Variants in NBPF8 observed in about 807,000 individuals in gnomAD.
NBPF8 encodes the protein NBPF member 8.
At chr1:120,421,325 CATCTT>C (rs1660569280) in intron 1 of NBPF8, among the ~76,000 whole-genome samples, 1 of 152,158 alleles carries the variant, frequency 6.6e-6, no homozygotes, top group Non-Finnish European at 1.5e-5. Flanking sequence ...TGGATGTTCT[CATCTT>C]CATGTAAGTT....
At chr1:120,427,965 T>C (rs1459058905) in intron 3 of NBPF8, among the ~76,000 whole-genome samples, 118 bp downstream of exon 3, 2 of 152,248 alleles carry the variant, frequency 1.3e-5, no homozygotes, top group Non-Finnish European at 2.9e-5. Flanking sequence ...GAGTTTTCTT[T>C]GTATCACTTT....
intron 3 of NBPF8, among the ~76,000 whole-genome samples, 46 bp downstream of exon 3, chr1:120,427,893 G>A (rs1417074808): frequency 1.4e-4 from 21 of 150,914 alleles, no homozygotes; most frequent in Non-Finnish European, 2.8e-4. Context: ...GCTACCAGTA[G>A]TTTTTCCAGG....
At chr1:120,425,530 C>T (rs1350928401) in intron 1 of NBPF8, among the ~76,000 whole-genome samples, 1 of 152,172 alleles carries the variant, frequency 6.6e-6, no homozygotes, top group Non-Finnish European at 1.5e-5. Flanking sequence ...TCTGGAAATG[C>T]CCGATAATGA....
At chr1:120,430,801 C>T (rs1363394129) in intron 3 of NBPF8, among the ~76,000 whole-genome samples, 73 of 145,920 alleles carry the variant, frequency 5.0e-4, no homozygotes, top group Non-Finnish European at 9.3e-4. Context: ...TTATGTAAGG[C>T]CAGTACACCA....
At position 120,466,102 on chromosome 1, in the gene NBPF8, T is replaced by C. The variant is rs1480634856; in HGVS notation, n.3693T>C. ...CTCATTCCAGCACTACAGAAGTGTG[T>C]TTTACTCATTTGAGGAACAGCACAT... is the stretch of plus-strand genomic sequence containing the variant. On this transcript the variant is annotated non_coding_transcript_exon_variant, in exon 25 of 25. Coordinates refer to ENST00000583271, the Ensembl canonical transcript of NBPF8. 1.9e-6 allele frequency: 3 copies of C among 1,611,532 alleles called. No homozygotes were observed. In the East Asian group the frequency reaches 6.7e-5, roughly 36 times the overall value.
chr1:120,431,417 CACAT>C (rs1372127109), upstream of NBPF8, among the ~76,000 whole-genome samples: 2 of 84,438 alleles, frequency 2.4e-5, no homozygotes, highest in South Asian at 3.0e-4. Flanking sequence ...CACACACACA[CACAT>C]ATATATATAT....
At chr1:120,415,153 C>A (rs1287837075), upstream of NBPF8, among the ~76,000 whole-genome samples, 1 of 152,074 alleles carries the variant, frequency 6.6e-6, no homozygotes, top group Non-Finnish European at 1.5e-5. Flanking sequence ...TGAGTGAACG[C>A]GGTGCTTTTG....
chr1:120,452,831 G>A lies in NBPF8; in HGVS notation n.2289+500G>A, dbSNP rs1302167704. Among the ~76,000 whole-genome samples the A allele has an allele frequency of 4.0e-4, 61 of 152,292 alleles. No individual in the cohort carries two copies. In the South Asian group the frequency reaches 5.0e-3, roughly 12 times the overall value. On this transcript the variant is annotated intron_variant and non_coding_transcript_variant, in intron 13 of 24. Coordinates refer to ENST00000583271, the Ensembl canonical transcript of NBPF8. ...CCAAAATGAGATGAAGGCCCTCGCC[G>A]TGTGATGTTGGAGAAGGCACTTTAT... is the stretch of plus-strand genomic sequence containing the variant.
chr1:120,416,605 CAAAAAAAAAA>C (rs1160932917), upstream of NBPF8, among the ~76,000 whole-genome samples: 14 of 24,234 alleles, frequency 5.8e-4, no homozygotes, highest in East Asian at 2.1e-3. Flanking sequence ...ACCCTGTCTC[CAAAAAAAAAA>C]AAAAAAAAAA....
upstream of NBPF8, among the ~76,000 whole-genome samples, chr1:120,416,786 G>T (rs200880932): frequency 8.4e-3 from 1,273 of 151,850 alleles, 51 homozygotes; most frequent in Admixed American, 0.066. Flanking sequence ...TTCCCAAAGT[G>T]GTTGTACCAT....
chr1:120,436,584 A>C (rs2101619997), exon 1 of NBPF8: 1 of 1,598,656 alleles, frequency 6.3e-7, no homozygotes, highest in Non-Finnish European at 8.6e-7. Context: ...CTAGAAATCA[A>C]CGAGAAATTG....
At chr1:120,469,084 G>A (rs1439907608), downstream of NBPF8, among the ~76,000 whole-genome samples, 7 of 142,570 alleles carry the variant, frequency 4.9e-5, no homozygotes, top group Admixed American at 7.2e-5. Flanking sequence ...AACTTCAATC[G>A]TTTACAAAAG....
At chr1:120,451,416 C>T in intron 12 of NBPF8, 134 bp downstream of exon 10, 1 of 393,130 alleles carries the variant, frequency 2.5e-6, no homozygotes, top group Non-Finnish European at 4.5e-6. Flanking sequence ...TCGCTACACA[C>T]AAATATTTAT....
chr1:120,428,643 C>T (rs1431479174), intron 3 of NBPF8, among the ~76,000 whole-genome samples: 147 of 152,184 alleles, frequency 9.7e-4, no homozygotes, highest in South Asian at 1.9e-3. Flanking sequence ...AATGAGCAGC[C>T]GACAGTGGCT....
At position 120,465,375 on chromosome 1, in the gene NBPF8, A is replaced by T; in HGVS notation, n.3568+4A>T. On this transcript the variant is annotated splice_donor_region_variant and intron_variant and non_coding_transcript_variant, in intron 24 of 24. Transcript: ENST00000583271. ...ATCAAAACCCACCATGCCCCAGGTA[A>T]CTTTCAGCAATTGTGGATGCTTAAT... 1.6e-6 allele frequency: 1 copy of T among 606,298 alleles called. No homozygotes were observed. The highest frequency in any genetic ancestry group is 1.5e-5 in the South Asian group (1 of 65,896). 37.6% of individuals were successfully genotyped at this position (606,298 alleles called of 1,614,324 possible). A position where few individuals can be genotyped will look rare whatever the true frequency, so the allele number is the denominator to read the frequency against.
At chr1:120,416,605 CAAAAAAAAAAAA>C (rs1160932917), upstream of NBPF8, among the ~76,000 whole-genome samples, 352 of 24,202 alleles carry the variant, frequency 0.015, 5 homozygotes, top group African/African-American at 0.1. Context: ...ACCCTGTCTC[CAAAAAAAAAAAA>C]AAAAAAAAAA....
intron 3 of NBPF8, among the ~76,000 whole-genome samples, chr1:120,428,798 G>T (rs1282272632): frequency 1.3e-5 from 2 of 150,106 alleles, no homozygotes; most frequent in Non-Finnish European, 3.0e-5. Flanking sequence ...CCAATGCCAT[G>T]TAGCACTTTA....
chr1:120,418,493 C>T (rs1239370272), upstream of NBPF8, among the ~76,000 whole-genome samples: 5 of 148,596 alleles, frequency 3.4e-5, no homozygotes, highest in African/African-American at 5.0e-5. Flanking sequence ...TTTAAAGGGC[C>T]GACGTGATAT....
intron 1 of NBPF8, among the ~76,000 whole-genome samples, chr1:120,421,363 C>T (rs1220327443): frequency 4.0e-5 from 6 of 151,834 alleles, no homozygotes; most frequent in Non-Finnish European, 5.9e-5. Context: ...TCCTTCCTTC[C>T]TTCCCTACTT....
Sources: gnomAD v4.1 joint callset for allele counts (sites outside exome capture counted in the v4.1 genomes callset) on GRCh38, gnomAD v4.1.1 for gene constraint, MANE v1.5 for transcripts, NCBI Gene and HGNC (gene_info 2026-07-23, HGNC 2026-07-21) for gene names.